Variants in OCA2 observed in about 807,000 individuals in gnomAD.
OCA2 encodes P protein.
In OCA2, 77 loss-of-function variants were observed where a neutral mutation model predicts 100.2. That is an observed-to-expected ratio of 0.77 (90% CI 0.64 to 0.93). The LOEUF is 0.93. Ranked by LOEUF, OCA2 falls within the 40% of genes least tolerant of loss-of-function variation. OCA2 has a pLI of 0.00. For missense variants in OCA2, 1,062 were observed against 1,089.1 expected, an observed-to-expected ratio of 0.98 and a Z score of 0.35; for synonymous variants, 432 against 439.2, an observed-to-expected ratio of 0.98 and a Z score of 0.21.
chr15:27,893,873 C>T (rs1221373839), intron 19 of OCA2, among the ~76,000 whole-genome samples: 3 of 152,166 alleles, frequency 2.0e-5, no homozygotes, highest in Non-Finnish European at 1.5e-5. Flanking sequence ...AGTGGTTCTG[C>T]TTTTGCCCTT....
chr15:28,026,917 C>T (rs892442574), intron 4 of OCA2, among the ~76,000 whole-genome samples: 7 of 152,178 alleles, frequency 4.6e-5, no homozygotes, highest in Non-Finnish European at 1.0e-4. Flanking sequence ...TTAGTGTAGG[C>T]CCGTGAGAGG....
chr15:28,020,629 G>A (rs1360768398), intron 6 of OCA2, among the ~76,000 whole-genome samples: 2 of 152,000 alleles, frequency 1.3e-5, no homozygotes. Context: ...GCACAAGAAT[G>A]AGAAACAAAG....
intron 9 of OCA2, among the ~76,000 whole-genome samples, chr15:27,996,862 A>G (rs1410654709): frequency 6.6e-6 from 1 of 152,096 alleles, no homozygotes; most frequent in Non-Finnish European, 1.5e-5. Flanking sequence ...CCAAACATTT[A>G]AAGAATGCCA....
intron 18 of OCA2, among the ~76,000 whole-genome samples, chr15:27,932,599 G>A (rs949382380): frequency 2.6e-5 from 4 of 152,198 alleles, no homozygotes; most frequent in Non-Finnish European, 5.9e-5. Flanking sequence ...CTGATGCCTA[G>A]TCTCAGTGCA....
intron 15 of OCA2, among the ~76,000 whole-genome samples, chr15:27,960,472 T>C (rs2040370517): frequency 6.6e-6 from 1 of 152,224 alleles, no homozygotes; most frequent in Admixed American, 6.5e-5. Flanking sequence ...TGTCCTAGGT[T>C]ACCTTCTTGT....
intron 1 of OCA2, among the ~76,000 whole-genome samples, chr15:28,085,667 T>C (rs1205470002): frequency 8.0e-5 from 10 of 125,600 alleles, no homozygotes; most frequent in African/African-American, 3.1e-4. Context: ...CCGCCCAGAC[T>C]GCACTGTTGC....
chr15:28,077,494 C>T (rs1445034940), intron 2 of OCA2, among the ~76,000 whole-genome samples: 1 of 152,078 alleles, frequency 6.6e-6, no homozygotes, highest in Non-Finnish European at 1.5e-5. Flanking sequence ...GGTGGAAGTC[C>T]TCAGCTAGGA....
chr15:27,824,647 T>C (rs1363591830), intron 23 of OCA2, among the ~76,000 whole-genome samples: 1 of 139,414 alleles, frequency 7.2e-6, no homozygotes, highest in Non-Finnish European at 1.5e-5. Context: ...TGTAAAAAAT[T>C]AGGTTGTCAA....
chr15:27,747,590 G>T, the OCA2 span, among the ~76,000 whole-genome samples: 6 of 152,172 alleles, frequency 3.9e-5, no homozygotes, highest in African/African-American at 1.4e-4. Context: ...GAACCACCCA[G>T]ACGTCAGTTT....
intron 9 of OCA2, 60 bp downstream of exon 9, chr15:28,014,716 G>GGA: frequency 6.3e-7 from 1 of 1,582,030 alleles, no homozygotes; most frequent in African/African-American, 1.3e-5. Flanking sequence ...GTGTCTCACG[G>GGA]ATCTCAAGCC....
At chr15:27,797,798 C>CGGGAAACACAGGA (rs1258565524) in intron 23 of OCA2, among the ~76,000 whole-genome samples, 2 of 152,132 alleles carry the variant, frequency 1.3e-5, no homozygotes, top group Admixed American at 6.6e-5. Context: ...CGAGGAGTAA[C>CGGGAAACACAGGA]GGGAAACACA....
intron 23 of OCA2, among the ~76,000 whole-genome samples, chr15:27,826,502 C>A (rs1291782219): frequency 6.6e-6 from 1 of 152,142 alleles, no homozygotes; most frequent in Non-Finnish European, 1.5e-5. Flanking sequence ...GGAACCCAGG[C>A]CTGGACACTG....
chr15:27,862,208 C>T (rs1202054753), intron 21 of OCA2, among the ~76,000 whole-genome samples: 3 of 119,914 alleles, frequency 2.5e-5, no homozygotes, highest in East Asian at 5.8e-4. Context: ...TCGTCAGCCT[C>T]GAGTCCTCAC....
At chr15:28,070,331 C>T (rs2044202189) in intron 2 of OCA2, among the ~76,000 whole-genome samples, 1 of 143,252 alleles carries the variant, frequency 7.0e-6, no homozygotes, top group African/African-American at 2.7e-5. Context: ...CAGCCCCCCG[C>T]CCGGCCAGCC....
intron 15 of OCA2, among the ~76,000 whole-genome samples, chr15:27,962,809 T>A (rs111972832): frequency 0.03 from 4,521 of 152,246 alleles, 208 homozygotes; most frequent in African/African-American, 0.095. Flanking sequence ...TTCAATCGCA[T>A]CACTAAGCAC....
chr15:27,897,545 G>A (rs959336655), intron 19 of OCA2, among the ~76,000 whole-genome samples: 8 of 152,228 alleles, frequency 5.3e-5, no homozygotes, highest in Non-Finnish European at 1.0e-4. Context: ...GTCAAGAATT[G>A]AGGTTTGGAA....
chr15:27,733,395 G>A, the OCA2 span, among the ~76,000 whole-genome samples: 2 of 152,068 alleles, frequency 1.3e-5, no homozygotes, highest in Admixed American at 6.6e-5. Flanking sequence ...CGCCCACACT[G>A]GTACCTCCTG....
the OCA2 span, among the ~76,000 whole-genome samples, chr15:27,738,764 G>C: frequency 6.6e-6 from 1 of 151,912 alleles, no homozygotes; most frequent in East Asian, 1.9e-4. Flanking sequence ...AACCTACGGA[G>C]CTAAAAATCC....
At chr15:27,723,804 A>C in the OCA2 span, among the ~76,000 whole-genome samples, 1 of 152,140 alleles carries the variant, frequency 6.6e-6, no homozygotes, top group Non-Finnish European at 1.5e-5. Flanking sequence ...GTTCACAGTA[A>C]ATTCTGAAAG....
Sources: allele counts gnomAD v4.1 joint callset (sites outside exome capture counted in the v4.1 genomes callset), GRCh38; gene constraint gnomAD v4.1.1; transcripts MANE v1.5; gene names NCBI Gene and HGNC (gene_info 2026-07-23, HGNC 2026-07-21).